The following SAE1 variants were observed in gnomAD, a reference collection of about 807,000 sequenced individuals.
The protein encoded by SAE1 is SUMO1 activating enzyme subunit 1.
In SAE1, 11 loss-of-function variants were observed where a neutral mutation model predicts 40.6. The observed-to-expected ratio is 0.27, with a 90% CI of 0.17 to 0.45. SAE1 has a LOEUF of 0.45. SAE1 is among the 20% of genes least tolerant of loss of function. SAE1 has a pLI of 1.00. For synonymous variants in SAE1, 155 were observed against 154.3 expected (o/e 1.00, Z -0.03); for missense variants, 373 against 427.3 (o/e 0.87, Z 1.12).
At chr19:47,201,822 G>A (rs1265616270) in intron 7 of SAE1, among the ~76,000 whole-genome samples, 6 of 151,978 alleles carry the variant, frequency 3.9e-5, no homozygotes, top group African/African-American at 7.3e-5. Flanking sequence ...TAGTAGAGAC[G>A]GGGTTTCACT....
intron 5 of SAE1, 94 bp from the exon 6 acceptor site, chr19:47,169,724 A>AT: frequency 1.2e-6 from 1 of 837,456 alleles, no homozygotes; most frequent in Non-Finnish European, 2.0e-6. Context: ...TAAACTTTAA[A>AT]TAATGAGATT....
chr19:47,146,540 C>G (rs2058256305), intron 2 of SAE1, among the ~76,000 whole-genome samples: 1 of 152,136 alleles, frequency 6.6e-6, no homozygotes, highest in Admixed American at 6.6e-5. Context: ...ACCAGAGCAG[C>G]TGACACTGAA....
Position 47,197,287 on chromosome 19 carries a change from A to G in SAE1, c.788A>G (p.Glu263Gly). ...AGAGATCCCAGTTCTGATACATATG[A>G]GGAAGATTCTGAGTTGTTGCTCCAG... ...KGRDPSSDTY[E>G]EDSELLLQIR... Residue 263 changes from glutamate to glycine, a missense_variant, in exon 7 of 9, where the codon GAG (glutamate) becomes GGG (glycine). Physicochemically the swap from Glu to Gly is moderately conservative, Grantham distance 98 (BLOSUM62 -2). Around this residue, in one of 3 missense-constraint regions of SAE1, gnomAD observed 351 missense variants for 390.6 expected, o/e 0.90. Transcript: ENST00000270225. 2 of 1,614,010 alleles carry G rather than the reference A, an allele frequency of 1.2e-6. No homozygotes were observed. Among genetic ancestry groups the G allele is most frequent in the Non-Finnish European group, 1.7e-6 (2 of 1,179,902 alleles).
At chr19:47,175,107 ATTTTTTTTT>A (rs916783073) in intron 6 of SAE1, among the ~76,000 whole-genome samples, 2 of 91,708 alleles carry the variant, frequency 2.2e-5, no homozygotes, top group Admixed American at 1.5e-4. Flanking sequence ...AGTGGCCTTG[ATTTTTTTTT>A]TTTTTTTTTT....
At chr19:47,153,085 T>C in intron 4 of SAE1, 45 bp downstream of exon 4, 1 of 1,509,984 alleles carries the variant, frequency 6.6e-7, no homozygotes, top group South Asian at 1.3e-5. Flanking sequence ...TTTCTCCTTT[T>C]TATACTTTTT....
intron 6 of SAE1, among the ~76,000 whole-genome samples, chr19:47,196,802 C>G (rs2058619270): frequency 6.6e-6 from 1 of 152,062 alleles, no homozygotes; most frequent in African/African-American, 2.4e-5. Flanking sequence ...GTCAGACGCC[C>G]TATTATGCTG....
Position 47,155,106 on chromosome 19 carries a change from C to T in SAE1, c.528-8C>T, listed in dbSNP as rs779328687. The stretch of plus-strand genomic sequence containing the variant: ...AAAATTACATTCTCTCCCCTTGTCA[C>T]CCTCTAGGGAGAAAACTAAAGTTGC... On this transcript the variant is annotated splice_polypyrimidine_tract_variant and splice_region_variant and intron_variant, in intron 4 of 8. Transcript: ENST00000270225. 4 of 1,555,130 alleles carry T rather than the reference C, an allele frequency of 2.6e-6. No individual in the cohort carries two copies. The highest frequency in any genetic ancestry group is 1.7e-5 in the Admixed American group (1 of 59,696).
chr19:47,148,759 C>T (rs1437380100), intron 2 of SAE1, among the ~76,000 whole-genome samples: 3 of 151,630 alleles, frequency 2.0e-5, no homozygotes, highest in African/African-American at 4.8e-5. Context: ...GAATTACAGG[C>T]GTGTGCCACC....
At chr19:47,138,391 A>G (rs2058195982) in intron 1 of SAE1, among the ~76,000 whole-genome samples, 1 of 152,244 alleles carries the variant, frequency 6.6e-6, no homozygotes, top group South Asian at 2.1e-4. Flanking sequence ...AAAGAGGGGT[A>G]ACAAAGTGCC....
At chr19:47,174,604 G>A (rs1371110692) in intron 6 of SAE1, among the ~76,000 whole-genome samples, 1 of 124,586 alleles carries the variant, frequency 8.0e-6, no homozygotes, top group East Asian at 2.4e-4. Flanking sequence ...ACGGAGTCTC[G>A]CTCTGTCTCC....
chr19:47,183,955 C>G (rs2058526750), intron 6 of SAE1, among the ~76,000 whole-genome samples: 1 of 152,192 alleles, frequency 6.6e-6, no homozygotes. Flanking sequence ...GTTGGCAAAG[C>G]AATGCATTAG....
chr19:47,173,142 G>T (rs902115282), intron 6 of SAE1, among the ~76,000 whole-genome samples: 1 of 152,036 alleles, frequency 6.6e-6, no homozygotes, highest in East Asian at 1.9e-4. Context: ...GATTCTACAG[G>T]CACGCACCAC....
At chr19:47,205,907 C>T (rs1220487733) in intron 8 of SAE1, among the ~76,000 whole-genome samples, 2 of 152,230 alleles carry the variant, frequency 1.3e-5, no homozygotes, top group Non-Finnish European at 2.9e-5. Context: ...CTGTCCTCTT[C>T]ACCACGGGGC....
intron 5 of SAE1, among the ~76,000 whole-genome samples, chr19:47,168,233 G>A (rs150399316): frequency 3.2e-4 from 48 of 152,144 alleles, no homozygotes; most frequent in African/African-American, 7.9e-4. Flanking sequence ...TTTTTTGTAT[G>A]TGTGTTTATA....
chr19:47,182,946 C>T (rs1355878952), intron 6 of SAE1, among the ~76,000 whole-genome samples: 1 of 152,052 alleles, frequency 6.6e-6, no homozygotes, highest in Non-Finnish European at 1.5e-5. Context: ...GAAACAGTCT[C>T]GTTCTGTCAG....
At chr19:47,186,829 T>A (rs991703309) in intron 6 of SAE1, among the ~76,000 whole-genome samples, 1 of 150,676 alleles carries the variant, frequency 6.6e-6, no homozygotes, top group Admixed American at 6.6e-5. Flanking sequence ...TTCAGAGTAG[T>A]CTTCATGGGC....
intron 1 of SAE1, among the ~76,000 whole-genome samples, chr19:47,133,967 A>G (rs1464801558): frequency 6.6e-6 from 1 of 151,590 alleles, no homozygotes; most frequent in African/African-American, 2.4e-5. Flanking sequence ...GGTTCAAGCA[A>G]TTCTCCTGCC....
At chr19:47,169,615 G>A (rs1033241325) in intron 5 of SAE1, among the ~76,000 whole-genome samples, 1 of 152,158 alleles carries the variant, frequency 6.6e-6, no homozygotes, top group Admixed American at 6.6e-5. Context: ...TCAGTGCAGG[G>A]AGTTTGTGTT....
chr19:47,198,968 G>T (rs1370108579), intron 7 of SAE1, among the ~76,000 whole-genome samples: 2 of 152,104 alleles, frequency 1.3e-5, no homozygotes, highest in East Asian at 1.9e-4. Context: ...GGTGCTTGTA[G>T]TCTCAGCTAC....
Sources: gnomAD v4.1 joint callset for allele counts (sites outside exome capture counted in the v4.1 genomes callset) on GRCh38, gnomAD v4.1.1 for gene constraint, gnomAD v4.1.1 regional missense constraint, MANE v1.5 for transcripts, NCBI Gene and HGNC (gene_info 2026-07-23, HGNC 2026-07-21) for gene names.